C2CD2: variants seen among roughly 807,000 people sequenced by gnomAD.
The protein encoded by C2CD2 is C2 calcium dependent domain containing 2, also known as C2 domain-containing protein 2.
Under a neutral mutation model 74.3 loss-of-function variants are expected in C2CD2, and 43 were observed. The observed-to-expected ratio is 0.58, with a 90% CI of 0.45 to 0.75. The LOEUF is 0.75. C2CD2 is among the 30% of genes least tolerant of loss of function. The pLI is 0.00. For synonymous variants in C2CD2, 422 were observed against 390.7 expected, an observed-to-expected ratio of 1.08 and a Z score of -0.94; for missense variants, 801 against 916.3, an observed-to-expected ratio of 0.87 and a Z score of 1.63.
chr21:41,951,469 C>G (rs2065450152), intron 1 of C2CD2, among the ~76,000 whole-genome samples: 1 of 150,136 alleles, frequency 6.7e-6, no homozygotes, highest in Non-Finnish European at 1.5e-5. Context: ...GAGCATGAAT[C>G]CGGGACACTG....
chr21:41,890,469 G>A (rs186318132), intron 13 of C2CD2, among the ~76,000 whole-genome samples: 2 of 152,328 alleles, frequency 1.3e-5, no homozygotes, highest in Admixed American at 6.5e-5. Flanking sequence ...CCACTAATTT[G>A]CTTTTTCACA....
intron 1 of C2CD2, among the ~76,000 whole-genome samples, chr21:41,951,154 G>A (rs1173403596): frequency 6.6e-6 from 1 of 152,090 alleles, no homozygotes; most frequent in Middle Eastern, 3.2e-3. Context: ...ACAATCGCTG[G>A]ACTCGGGGCG....
chr21:41,922,202 A>C (rs771598119), intron 2 of C2CD2, 117 bp from the exon 3 acceptor site: 23 of 636,770 alleles, frequency 3.6e-5, no homozygotes, highest in Non-Finnish European at 6.4e-5. Context: ...TCTGTCGCCC[A>C]GGCTGGAGTG....
Position 41,907,813 on chromosome 21 carries a change from G to A in C2CD2, c.1019-29C>T, listed in dbSNP as rs2064982034. The A allele has an allele frequency of 8.7e-6, 14 of 1,613,526 alleles. No individual in the cohort carries two copies. The East Asian group carries it at 3.1e-4, about 36-fold the overall frequency. ...AAAAGATAGGAGACAGGCAAGGGGT[G>A]CCGCTGATGTTTCCCGGGCTTCCGT... is the stretch of plus-strand genomic sequence containing the variant. On this transcript the variant is annotated intron_variant, in intron 8 of 13. Coordinates refer to ENST00000380486, the MANE Select transcript of C2CD2 (RefSeq NM_015500.2).
rs1238837460 is a variant in C2CD2, at chr21:41,914,707, A to G, written c.735T>C (p.Ala245=). The change falls in exon 6 of 14, where the codon GCT becomes GCC. Residue 245 remains alanine, a synonymous_variant. Coordinates refer to ENST00000380486, the MANE Select transcript of C2CD2 (RefSeq NM_015500.2). ...GACAGGATTCCTGAGCAGTAGATGC[A>G]GCACACTGTAAGTTCTGAAAAAATA... ...TVKEAQNLQC[A]ASTAQESCPP... 6.2e-7 allele frequency: 1 copy of G among 1,613,072 alleles called. No individual in the cohort carries two copies. Among genetic ancestry groups the G allele is most frequent in the Non-Finnish European group, 8.5e-7 (1 of 1,179,522 alleles).
chr21:41,916,218 T>C (rs190867663), intron 5 of C2CD2, among the ~76,000 whole-genome samples: 1 of 152,272 alleles, frequency 6.6e-6, no homozygotes, highest in East Asian at 1.9e-4. Flanking sequence ...CTGAGGGTGA[T>C]GGTTAACTGT....
rs2064807433 is a variant in C2CD2 at position 41,895,114 on chromosome 21, C to T, written c.1870+3939G>A. 5.4e-6 allele frequency: 2 copies of T among 368,388 alleles called. No individual in the cohort carries two copies. The highest frequency in any genetic ancestry group is 1.1e-5 in the Non-Finnish European group (2 of 183,778). 22.8% of individuals were successfully genotyped at this position (368,388 alleles called of 1,614,324 possible). ...ATTATCCTGGAGAATGTGGGTAGGC[C>T]TCATCCAATCAGCTGAAGGCCCTAA... On this transcript the variant is annotated intron_variant, in intron 13 of 13. Transcript: ENST00000380486. The surrounding 1 kb of genome is among the most constrained non-coding windows in gnomAD (Gnocchi z 5.0).
intron 13 of C2CD2, among the ~76,000 whole-genome samples, chr21:41,897,579 G>A (rs1394052105): frequency 1.3e-5 from 2 of 152,284 alleles, no homozygotes; most frequent in Admixed American, 6.5e-5. Flanking sequence ...AGCACCCCAA[G>A]GCCAGGCAGT....
Position 41,914,659 on chromosome 21 carries a change from G to C in C2CD2, c.783C>G (p.His261Gln), listed in dbSNP as rs147828610. Residue 261 changes from histidine to glutamine, a missense_variant, in exon 6 of 14, where the codon CAC becomes CAG. His to Gln is a conservative substitution (Grantham distance 24, BLOSUM62 0). Transcript: ENST00000380486. ...TGTTCCTCACCAGTAGCTTCAGCTC[G>C]TGAGCCCTTGGAGGTTTAGGAGGAC... is the stretch of plus-strand genomic sequence containing the variant. ...ESCPPKPPRAHELKLLVRNIH... is the reference protein window; with the variant it reads ...ESCPPKPPRAQELKLLVRNIH... 6.2e-7 allele frequency: 1 copy of C among 1,613,362 alleles called. No homozygotes were observed. The highest frequency in any genetic ancestry group is 8.5e-7 in the Non-Finnish European group (1 of 1,179,422).
At position 41,923,445 on chromosome 21, in the gene C2CD2, A is replaced by G. The variant is rs964003671; in HGVS notation, c.379-1360T>C. Among the ~76,000 whole-genome samples the G allele has an allele frequency of 6.6e-6, 1 of 152,218 alleles. No individual in the cohort carries two copies. The highest frequency in any genetic ancestry group is 2.4e-5 in the African/African-American group (1 of 41,454). On this transcript the variant is annotated intron_variant, in intron 2 of 13. Coordinates refer to ENST00000380486, the MANE Select transcript of C2CD2 (RefSeq NM_015500.2). The surrounding 1 kb of genome is among the most constrained non-coding windows in gnomAD (Gnocchi z 5.8). The stretch of plus-strand genomic sequence containing the variant: ...GTCTTAAAGAGAAAGTAAGTTATAG[A>G]TGTTAGAAGTAAAAAAAGTTTTCTT...
chr21:41,901,637 TATG>T lies in C2CD2; in HGVS notation c.1542_1544del (p.Ile515del), dbSNP rs2064898753. ...ACGATGGTACCTTGGAGATCCCTGATATGATAATAGTGCTTTTCTTCCGTGGCG... is the reference window on the plus strand; with the variant it reads ...ACGATGGTACCTTGGAGATCCCTGATATAATAGTGCTTTTCTTCCGTGGCG... On this transcript the variant is annotated inframe_deletion, in exon 12 of 14. Coordinates refer to ENST00000380486, the MANE Select transcript of C2CD2 (RefSeq NM_015500.2). The T allele has an allele frequency of 3.7e-6, 6 of 1,614,214 alleles. No homozygotes were observed. The East Asian group carries it at 6.7e-5, about 18-fold the overall frequency.
At chr21:41,942,596 G>C (rs568806520) in intron 1 of C2CD2, among the ~76,000 whole-genome samples, 4 of 152,306 alleles carry the variant, frequency 2.6e-5, no homozygotes, top group Admixed American at 6.5e-5. Context: ...GGGCTGCTTC[G>C]TGCAAATCAG....
rs543256222 is a variant in C2CD2 at position 41,903,853 on chromosome 21, A to C, written c.1432+1871T>G. On this transcript the variant is annotated intron_variant, in intron 11 of 13. Transcript: ENST00000380486. This position sits in a 1 kb window ranked among gnomAD's most constrained non-coding sequence, Gnocchi z 4.5. ...AGGTCTTTTAAGAGGGATCCTGCCCACGTGACAGGACCCCGCAGCATGGGC... is the reference window on the plus strand; with the variant it reads ...AGGTCTTTTAAGAGGGATCCTGCCCCCGTGACAGGACCCCGCAGCATGGGC... Among the ~76,000 whole-genome samples, 1 of 152,256 alleles carries C rather than the reference A, an allele frequency of 6.6e-6. No homozygotes were observed. The highest frequency in any genetic ancestry group is 1.9e-4 in the East Asian group (1 of 5,176).
In C2CD2 at chr21:41,953,387, C is replaced by A; in HGVS notation, c.262G>T (p.Glu88Ter). 7.1e-7 allele frequency: 1 copy of A among 1,417,902 alleles called. No individual in the cohort carries two copies. 87.8% of individuals were successfully genotyped at this position (1,417,902 alleles called of 1,614,324 possible). A position where few individuals can be genotyped will look rare whatever the true frequency, so the allele number is the denominator to read the frequency against. Residue 88 changes from glutamate to a stop codon, truncating the protein, a stop_gained, in exon 1 of 14, where the codon GAG (glutamate) becomes TAG (stop). Coordinates refer to ENST00000380486, the MANE Select transcript of C2CD2 (RefSeq NM_015500.2). LOFTEE classifies it high-confidence loss of function. ...AAACTCACCCCTTTCCTCTCGGCCT[C>A]CTCGTTCAGGGCGGTCACCCAGGCC... Reference protein sequence around the residue: ...QAAWVTALNEEAERKGGPPFL... With the variant: ...QAAWVTALNE
intron 12 of C2CD2, among the ~76,000 whole-genome samples, chr21:41,900,174 C>T (rs370788187): frequency 8.0e-4 from 122 of 151,980 alleles, no homozygotes; most frequent in Admixed American, 2.6e-3. Flanking sequence ...CTCAGGAGGC[C>T]GAGGCAGGAG....
intron 7 of C2CD2, among the ~76,000 whole-genome samples, chr21:41,910,951 A>G (rs2065019166): frequency 6.6e-6 from 1 of 152,066 alleles, no homozygotes; most frequent in Non-Finnish European, 1.5e-5. Context: ...CCTTTCCGGT[A>G]TTTGTGTATA....
chr21:41,889,127 C>G lies in C2CD2; in HGVS notation c.2088G>C (p.Thr696=). ...TMNGAPVEPC[T] ...TTGGAGGTGATGACCTCAGGCCCTA[C>G]GTGCAGGGCTCCACGGGGGCACCGT... The change falls in exon 14 of 14, where the codon ACG becomes ACC. Residue 696 remains threonine (T), a synonymous_variant. Transcript: ENST00000380486. 1 of 1,611,234 alleles carries G rather than the reference C, an allele frequency of 6.2e-7. No homozygotes were observed. Among genetic ancestry groups the G allele is most frequent in the Non-Finnish European group, 8.5e-7 (1 of 1,179,100 alleles).
At chr21:41,894,227 T>C (rs1569053855) in intron 13 of C2CD2, among the ~76,000 whole-genome samples, 1 of 152,222 alleles carries the variant, frequency 6.6e-6, no homozygotes, top group Non-Finnish European at 1.5e-5. Context: ...CTCAATTATA[T>C]TCCCCAGCCG....
Position 41,903,711 on chromosome 21 carries a change from T to C in C2CD2, c.1433-1962A>G, listed in dbSNP as rs407003. On this transcript the variant is annotated intron_variant, in intron 11 of 13. Transcript: ENST00000380486. The surrounding 1 kb of genome is among the most constrained non-coding windows in gnomAD (Gnocchi z 4.5). ...CTCCTCACGCCAGGCCCAGTGCTTC[T>C]GTTCAGTCCCCCGAGAGCCCGGTCC... 4.3e-3 allele frequency among the ~76,000 whole-genome samples: 654 copies of C among 152,276 alleles called. 4 individuals carry two copies. The highest frequency in any genetic ancestry group is 0.014 in the African/African-American group (571 of 41,554).
Sources: gnomAD v4.1 joint callset for allele counts (sites outside exome capture counted in the v4.1 genomes callset) on GRCh38, gnomAD v4.1.1 for gene constraint, Gnocchi (gnomAD v3.1) non-coding constraint, MANE v1.5 for transcripts, NCBI Gene and HGNC (gene_info 2026-07-23, HGNC 2026-07-21) for gene names.